The following CDC42BPB variants were observed in gnomAD, a reference collection of about 807,000 sequenced individuals.
The protein encoded by CDC42BPB is serine/threonine-protein kinase MRCK beta.
In CDC42BPB, 37 loss-of-function variants were observed where a neutral mutation model predicts 214.9. The observed-to-expected ratio is 0.17, with a 90% CI of 0.13 to 0.23. The LOEUF is 0.23. Among genes scored for constraint, CDC42BPB ranks in the 10% least tolerant of loss-of-function variants. The pLI is 1.00. For synonymous variants in CDC42BPB, 931 were observed against 884.0 expected (o/e 1.05, Z -0.94); for missense variants, 1,694 against 2,227.0 (o/e 0.76, Z 4.82).
chr14:103,048,002 G>A (rs1269690824), intron 1 of CDC42BPB, among the ~76,000 whole-genome samples: 5 of 151,894 alleles, frequency 3.3e-5, no homozygotes, highest in Non-Finnish European at 7.4e-5. Flanking sequence ...ACCAAAAGAT[G>A]AAAGACACAG....
At chr14:102,983,837 C>A in intron 6 of CDC42BPB, 81 bp from the exon 7 acceptor site, 4 of 1,503,796 alleles carry the variant, frequency 2.7e-6, no homozygotes, top group South Asian at 1.3e-5. Flanking sequence ...TAAAATATAG[C>A]GGAGGCAGAA....
At chr14:102,991,999 A>G (rs1328950846) in intron 5 of CDC42BPB, among the ~76,000 whole-genome samples, 1 of 152,212 alleles carries the variant, frequency 6.6e-6, no homozygotes, top group Admixed American at 6.5e-5. Flanking sequence ...TTGTTGCACC[A>G]GCCACGTTTT....
At chr14:103,052,028 G>A (rs1315108552) in intron 1 of CDC42BPB, among the ~76,000 whole-genome samples, 1 of 152,140 alleles carries the variant, frequency 6.6e-6, no homozygotes, top group Non-Finnish European at 1.5e-5. Context: ...TTTTAGTACA[G>A]ACGGGTTTTC....
At chr14:102,984,962 C>T (rs537887379) in intron 6 of CDC42BPB, among the ~76,000 whole-genome samples, 28 of 152,368 alleles carry the variant, frequency 1.8e-4, no homozygotes, top group Admixed American at 1.5e-3. Context: ...GGTGACTCCA[C>T]GATGAACAAC....
At chr14:102,959,540 T>C in intron 21 of CDC42BPB, 91 bp downstream of exon 21, 7 of 837,630 alleles carry the variant, frequency 8.4e-6, no homozygotes, top group Non-Finnish European at 1.3e-5. Flanking sequence ...ACTGGTGTGT[T>C]TGTGGCCCCA....
Position 103,056,211 on chromosome 14 carries a change from C to G in CDC42BPB, c.175+788G>C, listed in dbSNP as rs75799074. 9.3e-3 allele frequency among the ~76,000 whole-genome samples: 1,419 copies of G among 152,214 alleles called. 25 individuals are homozygous for G. The highest frequency in any genetic ancestry group is 0.033 in the African/African-American group (1,358 of 41,496). ...ATGCAAAATTCAGATGAGAAAGTTT[C>G]TAAGTGATAGCTCCAGCTACCCCTC... On this transcript the variant is annotated intron_variant, in intron 1 of 36. Transcript: ENST00000361246.
intron 1 of CDC42BPB, among the ~76,000 whole-genome samples, chr14:103,038,854 CAT>C (rs1020895851): frequency 6.6e-6 from 1 of 151,022 alleles, no homozygotes; most frequent in Non-Finnish European, 1.5e-5. Context: ...ATATACGTAA[CAT>C]AAAATGTACA....
intron 1 of CDC42BPB, among the ~76,000 whole-genome samples, chr14:103,023,734 T>C (rs1189233255): frequency 6.6e-6 from 1 of 152,202 alleles, no homozygotes; most frequent in Non-Finnish European, 1.5e-5. Context: ...CATAAACATA[T>C]ACACTTTTAT....
intron 1 of CDC42BPB, among the ~76,000 whole-genome samples, chr14:103,045,799 CG>C (rs1158562088): frequency 6.6e-6 from 1 of 152,122 alleles, no homozygotes; most frequent in East Asian, 1.9e-4. Flanking sequence ...GAAACCACAG[CG>C]GCGCATAATC....
intron 1 of CDC42BPB, among the ~76,000 whole-genome samples, chr14:103,026,498 C>T (rs112153097): frequency 0.039 from 5,890 of 152,130 alleles, 363 homozygotes; most frequent in African/African-American, 0.13. Flanking sequence ...TTAAACTTCA[C>T]CAAAATAAAA....
chr14:102,976,333 A>G (rs1182704885), intron 9 of CDC42BPB: 2 of 440,838 alleles, frequency 4.5e-6, no homozygotes, highest in Non-Finnish European at 3.0e-6. Flanking sequence ...ATGCAAAACC[A>G]GAAGGCATGG....
chr14:102,945,385 T>C (rs187662503), intron 29 of CDC42BPB: 63 of 535,146 alleles, frequency 1.2e-4, no homozygotes, highest in African/African-American at 1.1e-3. Context: ...CCTCAGCACA[T>C]GTGGGAAAGC....
intron 1 of CDC42BPB, among the ~76,000 whole-genome samples, chr14:103,029,876 A>G (rs998006000): frequency 6.6e-6 from 1 of 151,464 alleles, no homozygotes; most frequent in Non-Finnish European, 1.5e-5. Flanking sequence ...AAAAAAAAAA[A>G]AAAAAAAGAA....
At chr14:103,015,883 A>ATTT (rs1231998343) in intron 1 of CDC42BPB, among the ~76,000 whole-genome samples, 21 of 139,494 alleles carry the variant, frequency 1.5e-4, no homozygotes, top group African/African-American at 5.2e-4. Context: ...TAATTTTTGT[A>ATTT]TTTTTTTTTT....
intron 5 of CDC42BPB, among the ~76,000 whole-genome samples, chr14:102,998,264 T>G (rs1303565831): frequency 6.6e-6 from 1 of 152,166 alleles, no homozygotes; most frequent in African/African-American, 2.4e-5. Flanking sequence ...TTCATAGATG[T>G]GATCTAAAGC....
rs374146408 is a variant in CDC42BPB, at chr14:102,968,156, T to C, written c.2346+97A>G. On this transcript the variant is annotated intron_variant, in intron 16 of 36. Transcript: ENST00000361246. ...ACGACATTCTACTCCCCCATAAATA[T>C]ATATACCTACTATGTACCCACACAA... is the stretch of plus-strand genomic sequence containing the variant. 6.3e-6 allele frequency: 5 copies of C among 792,230 alleles called. No homozygotes were observed. The East Asian group carries it at 7.9e-5, about 12-fold the overall frequency. 49.1% of individuals were successfully genotyped at this position (792,230 alleles called of 1,614,324 possible). A position where few individuals can be genotyped will look rare whatever the true frequency, so the allele number is the denominator to read the frequency against.
chr14:102,984,898 C>T (rs946054952), intron 6 of CDC42BPB, among the ~76,000 whole-genome samples: 14 of 152,238 alleles, frequency 9.2e-5, no homozygotes, highest in African/African-American at 3.1e-4. Flanking sequence ...TGCACGAGTG[C>T]GTGGCCAGCC....
intron 29 of CDC42BPB, 42 bp downstream of exon 29, chr14:102,945,620 G>T: frequency 6.4e-7 from 1 of 1,557,960 alleles, no homozygotes; most frequent in Non-Finnish European, 8.8e-7. Flanking sequence ...AGGCCAGGCT[G>T]GGCCTGTGAC....
At chr14:103,029,097 T>G (rs902098976) in intron 1 of CDC42BPB, among the ~76,000 whole-genome samples, 2 of 152,226 alleles carry the variant, frequency 1.3e-5, no homozygotes, top group African/African-American at 4.8e-5. Context: ...GTAAACATTT[T>G]TATGGGAAAT....
Sources: allele counts gnomAD v4.1 joint callset (sites outside exome capture counted in the v4.1 genomes callset), GRCh38; gene constraint gnomAD v4.1.1; transcripts MANE v1.5; gene names NCBI Gene and HGNC (gene_info 2026-07-23, HGNC 2026-07-21).